The following DOCK3 variants were observed in gnomAD, a reference collection of about 807,000 sequenced individuals.
DOCK3 encodes the protein dedicator of cytokinesis protein 3.
DOCK3 carries 60 observed loss-of-function variants against 265.6 expected under a neutral mutation model. The ratio of observed to expected loss-of-function variants is 0.23; its 90% CI spans 0.18 to 0.28. DOCK3 has a LOEUF of 0.28. Ranked by LOEUF, DOCK3 falls within the 10% of genes least tolerant of loss-of-function variation. The probability of loss-of-function intolerance (pLI) is 1.00; values close to 1 mark genes in which losing one functional copy is unlikely to be tolerated. For missense variants in DOCK3, 1,981 were observed against 2,594.3 expected (o/e 0.76, Z 5.14); for synonymous variants, 881 against 938.0 (o/e 0.94, Z 1.11).
At chr3:51,319,456 G>T (rs143854631) in intron 32 of DOCK3, among the ~76,000 whole-genome samples, 3 of 150,856 alleles carry the variant, frequency 2.0e-5, no homozygotes, top group African/African-American at 7.3e-5. Context: ...GCTATGCAAT[G>T]GCTCTGAGTC....
intron 1 of DOCK3, among the ~76,000 whole-genome samples, chr3:50,764,410 T>C (rs12486154): frequency 0.089 from 13,497 of 152,228 alleles, 1,228 homozygotes; most frequent in East Asian, 0.33. Flanking sequence ...TTAGGCATTA[T>C]AACTAATCTA....
intron 9 of DOCK3, among the ~76,000 whole-genome samples, chr3:51,092,663 TA>T (rs1175671668): frequency 6.6e-6 from 1 of 152,196 alleles, no homozygotes. Context: ...TGAGCTCTGC[TA>T]AGGGTCAGAC....
chr3:50,880,247 C>T (rs1025640560), intron 3 of DOCK3, among the ~76,000 whole-genome samples: 1 of 152,120 alleles, frequency 6.6e-6, no homozygotes, highest in South Asian at 2.1e-4. Context: ...CAAACACATT[C>T]AAAAGCTAGC....
At chr3:50,770,557 A>G (rs1032468857) in intron 1 of DOCK3, among the ~76,000 whole-genome samples, 4 of 152,148 alleles carry the variant, frequency 2.6e-5, no homozygotes, top group Non-Finnish European at 5.9e-5. Context: ...CCATCAAAAC[A>G]GTGATGACAT....
rs933312606 is a variant in DOCK3 at position 51,338,346 on chromosome 3, C to G, written c.3612-13C>G. On this transcript the variant is annotated splice_polypyrimidine_tract_variant and intron_variant, in intron 35 of 52. Coordinates refer to ENST00000266037, the MANE Select transcript of DOCK3 (RefSeq NM_004947.5). ...ACTTCATATCTGGTGCTCATCTGTGCTCTCTCTTCCAGGGACTGCATGAAA... is the reference window on the plus strand; with the variant it reads ...ACTTCATATCTGGTGCTCATCTGTGGTCTCTCTTCCAGGGACTGCATGAAA... 2.1e-5 allele frequency: 33 copies of G among 1,551,496 alleles called. No individual in the cohort carries two copies. The highest frequency in any genetic ancestry group is 6.8e-5 in the African/African-American group (5 of 73,042).
At chr3:50,981,507 A>T (rs754422215) in intron 5 of DOCK3, among the ~76,000 whole-genome samples, 1 of 152,184 alleles carries the variant, frequency 6.6e-6, no homozygotes, top group Non-Finnish European at 1.5e-5. Flanking sequence ...TGTTGATTTT[A>T]TGTCTCAATG....
At chr3:50,956,853 GTATTTTATTT>G (rs143060896) in intron 5 of DOCK3, among the ~76,000 whole-genome samples, 1 of 152,050 alleles carries the variant, frequency 6.6e-6, no homozygotes, top group East Asian at 1.9e-4. Flanking sequence ...GATGAGTATT[GTATTTTATTT>G]TATTTTATTT....
At chr3:50,886,628 A>G (rs1306641486) in intron 3 of DOCK3, among the ~76,000 whole-genome samples, 1 of 137,082 alleles carries the variant, frequency 7.3e-6, no homozygotes, top group African/African-American at 2.8e-5. Context: ...CTCATTGTTC[A>G]ATTCCCATCT....
chr3:51,006,987 C>T (rs1047365661), intron 5 of DOCK3, among the ~76,000 whole-genome samples: 16 of 152,118 alleles, frequency 1.1e-4, no homozygotes, highest in African/African-American at 1.9e-4. Flanking sequence ...TATTCCATGG[C>T]GTATGTGTGC....
intron 2 of DOCK3, chr3:50,787,148 G>A (rs953016844): frequency 2.9e-6 from 2 of 679,888 alleles, no homozygotes; most frequent in Admixed American, 2.1e-5. Flanking sequence ...CTGTTTGCCG[G>A]TGAAGATATA....
intron 2 of DOCK3, among the ~76,000 whole-genome samples, chr3:50,809,072 A>C (rs1218737433): frequency 6.6e-6 from 1 of 152,240 alleles, no homozygotes; most frequent in Non-Finnish European, 1.5e-5. Context: ...AGATACAAAA[A>C]GCACTAACTA....
chr3:50,942,242 A>G (rs1189292843), intron 5 of DOCK3, among the ~76,000 whole-genome samples: 1 of 152,000 alleles, frequency 6.6e-6, no homozygotes, highest in African/African-American at 2.4e-5. Flanking sequence ...TATGATTGAC[A>G]TTTTCTTCCT....
intron 32 of DOCK3, among the ~76,000 whole-genome samples, chr3:51,317,939 G>A (rs551387023): frequency 6.6e-6 from 1 of 152,164 alleles, no homozygotes; most frequent in African/African-American, 2.4e-5. Flanking sequence ...CACATGGTGT[G>A]AGTCTGTCTT....
At chr3:51,148,097 A>T (rs1422339264) in intron 10 of DOCK3, among the ~76,000 whole-genome samples, 1 of 152,174 alleles carries the variant, frequency 6.6e-6, no homozygotes, top group Non-Finnish European at 1.5e-5. Context: ...ACCAGTGATG[A>T]TGAGCATTTT....
In DOCK3 at chr3:51,253,902, T is replaced by G. The variant is rs544082719; in HGVS notation, c.2185-6254T>G. ...TAGTTATTTCTTGCCTTCTGCTAGC[T>G]TTTTTAGAGAAGCAAGTGTTTGCTC... On this transcript the variant is annotated intron_variant, in intron 22 of 52. Coordinates refer to ENST00000266037, the MANE Select transcript of DOCK3 (RefSeq NM_004947.5). Among the ~76,000 whole-genome samples, 3 of 152,244 alleles carry G rather than the reference T, an allele frequency of 2.0e-5. No individual in the cohort carries two copies. The East Asian group carries it at 5.8e-4, about 29-fold the overall frequency.
intron 5 of DOCK3, among the ~76,000 whole-genome samples, chr3:50,938,024 G>A (rs538727566): frequency 6.6e-6 from 1 of 151,956 alleles, no homozygotes; most frequent in East Asian, 1.9e-4. Context: ...GAGGCTAAAG[G>A]TTACAGATAG....
intron 13 of DOCK3, among the ~76,000 whole-genome samples, chr3:51,209,216 T>C (rs535640970): frequency 6.6e-6 from 1 of 152,362 alleles, no homozygotes; most frequent in Admixed American, 6.5e-5. Flanking sequence ...TATCTCTATA[T>C]AGCTAGATAT....
chr3:50,909,392 C>G (rs979477896), intron 4 of DOCK3, among the ~76,000 whole-genome samples: 1 of 152,028 alleles, frequency 6.6e-6, no homozygotes, highest in Non-Finnish European at 1.5e-5. Flanking sequence ...CCTTCAGGAG[C>G]TCTTGCAAGG....
intron 9 of DOCK3, 52 bp downstream of exon 9, chr3:51,090,436 C>A: frequency 9.2e-6 from 14 of 1,520,886 alleles, no homozygotes; most frequent in Non-Finnish European, 1.2e-5. Flanking sequence ...TGGTATGGGT[C>A]ATAGGCATCT....
Sources: gnomAD v4.1 joint callset for allele counts (sites outside exome capture counted in the v4.1 genomes callset) on GRCh38, gnomAD v4.1.1 for gene constraint, MANE v1.5 for transcripts, NCBI Gene and HGNC (gene_info 2026-07-23, HGNC 2026-07-21) for gene names.